SYNE3: variants seen among roughly 807,000 people sequenced by gnomAD.
SYNE3 encodes the protein nesprin-3.
Under a neutral mutation model 111.2 loss-of-function variants are expected in SYNE3, and 100 were observed. The ratio of observed to expected loss-of-function variants is 0.90; its 90% CI spans 0.77 to 1.06. SYNE3 has a LOEUF of 1.06. Among genes scored for constraint, SYNE3 ranks in the 50% least tolerant of loss-of-function variants. The probability of loss-of-function intolerance (pLI) is 0.00; values close to 1 mark genes in which losing one functional copy is unlikely to be tolerated. For synonymous variants in SYNE3, 547 were observed against 533.9 expected, an observed-to-expected ratio of 1.02 and a Z score of -0.34; for missense variants, 1,160 against 1,240.3, an observed-to-expected ratio of 0.94 and a Z score of 0.97.
At chr14:95,514,250 G>A (rs1890828101) in intron 1 of SYNE3, among the ~76,000 whole-genome samples, 1 of 152,160 alleles carries the variant, frequency 6.6e-6, no homozygotes, top group Non-Finnish European at 1.5e-5. Flanking sequence ...CAGTTTTGAA[G>A]CAGAGGTCAG....
At chr14:95,497,642 G>T (rs1409321362) in intron 1 of SYNE3, among the ~76,000 whole-genome samples, 1 of 152,184 alleles carries the variant, frequency 6.6e-6, no homozygotes, top group Non-Finnish European at 1.5e-5. Flanking sequence ...TCTGGAGACG[G>T]TCAGAGAGCA....
intron 5 of SYNE3, among the ~76,000 whole-genome samples, chr14:95,456,345 T>C (rs1887435814): frequency 1.3e-5 from 2 of 152,146 alleles, no homozygotes; most frequent in Admixed American, 6.5e-5. Context: ...ATTCAGCAGG[T>C]GAAAAGTGGG....
chr14:95,423,316 G>A (rs1413600773), intron 17 of SYNE3, among the ~76,000 whole-genome samples: 1 of 152,132 alleles, frequency 6.6e-6, no homozygotes, highest in African/African-American at 2.4e-5. Context: ...ATGACCATAG[G>A]CTTCCTCTCC....
In SYNE3 at chr14:95,443,309, A is replaced by G; in HGVS notation, c.1777-20T>C. The G allele has an allele frequency of 6.2e-7, 1 of 1,613,936 alleles. No individual in the cohort carries two copies. ...CAGCCCCTGCAGTAGAGAAGGGAACAGGTAGGCTAATCTTCCCACCTCTCC... is the reference window on the plus strand; with the variant it reads ...CAGCCCCTGCAGTAGAGAAGGGAACGGGTAGGCTAATCTTCCCACCTCTCC... On this transcript the variant is annotated intron_variant, in intron 10 of 17. Coordinates refer to ENST00000682763, the MANE Select transcript of SYNE3 (RefSeq NM_152592.6).
intron 8 of SYNE3, among the ~76,000 whole-genome samples, chr14:95,448,998 T>A (rs1886885922): frequency 6.6e-6 from 1 of 152,234 alleles, no homozygotes; most frequent in Non-Finnish European, 1.5e-5. Flanking sequence ...ATTATACATC[T>A]CACACACGTT....
At chr14:95,471,063 C>A (rs575140313) in intron 2 of SYNE3, among the ~76,000 whole-genome samples, 1 of 151,988 alleles carries the variant, frequency 6.6e-6, no homozygotes, top group Admixed American at 6.6e-5. Flanking sequence ...AAGCTAGCAA[C>A]ACAATAAGTC....
chr14:95,445,162 A>T (rs1595197968), intron 9 of SYNE3, among the ~76,000 whole-genome samples: 1 of 152,230 alleles, frequency 6.6e-6, no homozygotes, highest in East Asian at 1.9e-4. Context: ...TCCTTTCTTC[A>T]TCCCCCCAGC....
At chr14:95,476,406 C>G (rs1291237307) in intron 1 of SYNE3, among the ~76,000 whole-genome samples, 1 of 152,226 alleles carries the variant, frequency 6.6e-6, no homozygotes, top group East Asian at 1.9e-4. Flanking sequence ...ACCCACTGAG[C>G]CACTCCCCTC....
At chr14:95,481,223 G>T (rs17092509) in intron 1 of SYNE3, among the ~76,000 whole-genome samples, 4,948 of 152,296 alleles carry the variant, frequency 0.032, 184 homozygotes, top group Admixed American at 0.12. Flanking sequence ...TCTGAAGCCC[G>T]AGATTCTCAC....
intron 4 of SYNE3, among the ~76,000 whole-genome samples, chr14:95,462,529 C>T (rs561792092): frequency 1.1e-4 from 17 of 152,380 alleles, no homozygotes; most frequent in African/African-American, 4.1e-4. Context: ...GAGTCTCCCC[C>T]TCACCGCACC....
chr14:95,496,591 G>A (rs1010620367), intron 1 of SYNE3, among the ~76,000 whole-genome samples: 1 of 152,212 alleles, frequency 6.6e-6, no homozygotes, highest in African/African-American at 2.4e-5. Context: ...TTCTCCTGGT[G>A]AGAACGTCTG....
intron 1 of SYNE3, among the ~76,000 whole-genome samples, chr14:95,483,194 T>C (rs547793227): frequency 5.3e-5 from 8 of 152,332 alleles, no homozygotes; most frequent in Non-Finnish European, 7.3e-5. Flanking sequence ...CATTCTGCTC[T>C]GGAACTCAGA....
At chr14:95,437,244 T>C (rs1310105384) in intron 14 of SYNE3, among the ~76,000 whole-genome samples, 1 of 152,208 alleles carries the variant, frequency 6.6e-6, no homozygotes, top group Non-Finnish European at 1.5e-5. Flanking sequence ...GCTATACAAA[T>C]AGTCACCCTT....
At chr14:95,435,985 GC>G (rs1382779077) in intron 15 of SYNE3, among the ~76,000 whole-genome samples, 2 of 152,182 alleles carry the variant, frequency 1.3e-5, no homozygotes, top group Non-Finnish European at 2.9e-5. Context: ...CAATGGTAGT[GC>G]GAGGGAAGAG....
At chr14:95,504,817 T>A (rs1244518802) in intron 1 of SYNE3, among the ~76,000 whole-genome samples, 1 of 128,982 alleles carries the variant, frequency 7.8e-6, no homozygotes, top group Non-Finnish European at 1.6e-5. Flanking sequence ...TCCACCTCTA[T>A]CTAAAAAAAA....
chr14:95,488,263 TC>T (rs1889648516), intron 1 of SYNE3, among the ~76,000 whole-genome samples: 1 of 152,178 alleles, frequency 6.6e-6, no homozygotes, highest in Non-Finnish European at 1.5e-5. Context: ...TCAACTGTAC[TC>T]TTTTTAGAGA....
At chr14:95,447,664 G>C (rs996720229) in intron 8 of SYNE3, among the ~76,000 whole-genome samples, 2 of 152,182 alleles carry the variant, frequency 1.3e-5, no homozygotes, top group African/African-American at 2.4e-5. Context: ...GTCACACAGA[G>C]GTCAAGCCTC....
chr14:95,455,067 G>A lies in SYNE3; in HGVS notation c.1137+310C>T, dbSNP rs147522277. ...CCTTATCCCACCACTGGGCAGGAGA[G>A]TAGCTTTGAGGCCCAAACCTGGCTG... On this transcript the variant is annotated intron_variant, in intron 6 of 17. Coordinates refer to ENST00000682763, the MANE Select transcript of SYNE3 (RefSeq NM_152592.6). Among the ~76,000 whole-genome samples the A allele has an allele frequency of 1.6e-4, 25 of 152,298 alleles. No homozygotes were observed. In the East Asian group the frequency reaches 4.4e-3, roughly 27 times the overall value.
chr14:95,479,212 C>A (rs542082901), intron 1 of SYNE3, among the ~76,000 whole-genome samples: 30 of 125,738 alleles, frequency 2.4e-4, no homozygotes, highest in African/African-American at 9.2e-4. Context: ...CATAGTGAGA[C>A]CTCGTCTCTA....
Sources: allele counts gnomAD v4.1 joint callset (sites outside exome capture counted in the v4.1 genomes callset), GRCh38; gene constraint gnomAD v4.1.1; transcripts MANE v1.5; gene names NCBI Gene and HGNC (gene_info 2026-07-23, HGNC 2026-07-21).